IL1RAPL1: variants seen among roughly 807,000 people sequenced by gnomAD.
IL1RAPL1 encodes the protein interleukin 1 receptor accessory protein like 1, also known as interleukin-1 receptor accessory protein-like 1.
A neutral mutation model predicts 48.4 loss-of-function variants in IL1RAPL1; 3 were observed. The ratio of observed to expected loss-of-function variants is 0.06; its 90% CI spans 0.03 to 0.16. The LOEUF (loss-of-function observed/expected upper bound fraction) is 0.16, where lower values mean the gene tolerates loss of function less well. Ranked by LOEUF, IL1RAPL1 falls within the 10% of genes least tolerant of loss-of-function variation. The probability of loss-of-function intolerance (pLI) is 1.00; values close to 1 mark genes in which losing one functional copy is unlikely to be tolerated. For synonymous variants in IL1RAPL1, 185 were observed against 187.7 expected, an observed-to-expected ratio of 0.99 and a Z score of 0.12; for missense variants, 349 against 530.6, an observed-to-expected ratio of 0.66 and a Z score of 3.36.
chrX:28,601,496 A>G (rs1601830273), intron 1 of IL1RAPL1, among the ~76,000 whole-genome samples: 2 of 111,296 alleles, frequency 1.8e-5, no homozygotes. Flanking sequence ...CCATTAACTG[A>G]TATTCACTTT....
intron 5 of IL1RAPL1, among the ~76,000 whole-genome samples, chrX:29,490,597 G>A (rs1446250223): frequency 1.6e-4 from 18 of 111,455 alleles, no homozygotes; most frequent in Non-Finnish European, 3.8e-5. Flanking sequence ...TTTGAATAAT[G>A]TACCTACTGT....
rs928217271 is a variant in IL1RAPL1, at chrX:29,750,217, A to G, written c.778+81713A>G. On this transcript the variant is annotated intron_variant, in intron 6 of 10. Coordinates refer to ENST00000378993, the MANE Select transcript of IL1RAPL1 (RefSeq NM_014271.4). ...GGGTAACGTAAGAACATGAAACATTAAGAGGCAGATGGTAAATTGATTAGA... is the reference window on the plus strand; with the variant it reads ...GGGTAACGTAAGAACATGAAACATTGAGAGGCAGATGGTAAATTGATTAGA... Among the ~76,000 whole-genome samples the G allele has an allele frequency of 9.5e-4, 107 of 112,262 alleles. 1 individual carries two copies. The highest frequency in any genetic ancestry group is 3.2e-3 in the African/African-American group (100 of 31,006).
chrX:29,191,245 TTAAA>T (rs1346059684), intron 2 of IL1RAPL1, among the ~76,000 whole-genome samples: 4 of 111,905 alleles, frequency 3.6e-5, no homozygotes, highest in African/African-American at 9.7e-5. Context: ...ATTATAAAAA[TTAAA>T]TAAATAAGCA....
At chrX:29,178,652 A>C (rs1930079789) in intron 2 of IL1RAPL1, among the ~76,000 whole-genome samples, 1 of 111,763 alleles carries the variant, frequency 8.9e-6, no homozygotes, top group Non-Finnish European at 1.9e-5. Context: ...TTGGTGTTTC[A>C]GTCATGAAGT....
intron 6 of IL1RAPL1, among the ~76,000 whole-genome samples, chrX:29,706,881 G>A (rs777940819): frequency 1.7e-4 from 19 of 111,351 alleles, no homozygotes; most frequent in African/African-American, 5.9e-4. Context: ...ATTGGCTTAG[G>A]AAAAGACTTC....
chrX:29,078,611 TAA>T lies in IL1RAPL1; in HGVS notation c.83-204326_83-204325del, dbSNP rs778994964. On this transcript the variant is annotated intron_variant, in intron 2 of 10. Transcript: ENST00000378993. ...TCATGTCCATGAAGATTCGAAGCGT[TAA>T]GTTATTTTACTCATGATAACAATCT... 2.0e-4 allele frequency among the ~76,000 whole-genome samples: 23 copies of T among 112,296 alleles called. No individual in the cohort carries two copies. The South Asian group carries it at 7.7e-3, about 38-fold the overall frequency.
chrX:29,467,617 C>T (rs1326925498), intron 5 of IL1RAPL1, among the ~76,000 whole-genome samples: 1 of 111,786 alleles, frequency 8.9e-6, no homozygotes, highest in South Asian at 3.8e-4. Flanking sequence ...CCACGTAGTA[C>T]CTGGAAGGCA....
intron 2 of IL1RAPL1, among the ~76,000 whole-genome samples, chrX:29,221,778 C>T (rs1219059290): frequency 4.6e-5 from 5 of 109,856 alleles, no homozygotes; most frequent in Non-Finnish European, 7.6e-5. Flanking sequence ...TTTGGGAGGC[C>T]GAGGCGGGCG....
intron 5 of IL1RAPL1, among the ~76,000 whole-genome samples, chrX:29,658,124 T>C (rs760963419): frequency 8.9e-6 from 1 of 112,012 alleles, no homozygotes; most frequent in Admixed American, 9.5e-5. Flanking sequence ...TTTAAAAATA[T>C]TGAACCACCT....
chrX:29,473,534 C>T (rs1602252468), intron 5 of IL1RAPL1, among the ~76,000 whole-genome samples: 1 of 110,506 alleles, frequency 9.0e-6, no homozygotes, highest in East Asian at 2.9e-4. Context: ...CTTTCCAGAC[C>T]TCTTTCTAAA....
chrX:29,935,914 A>T (rs948942123), intron 8 of IL1RAPL1, among the ~76,000 whole-genome samples: 3 of 111,698 alleles, frequency 2.7e-5, no homozygotes. Context: ...GGTCATACAG[A>T]TTAAGCCGCT....
At chrX:28,617,059 A>G (rs1476509159) in intron 1 of IL1RAPL1, among the ~76,000 whole-genome samples, 1 of 112,519 alleles carries the variant, frequency 8.9e-6, no homozygotes, top group Non-Finnish European at 1.9e-5. Context: ...GAACTTTAAA[A>G]CTTTCAATAA....
At chrX:28,954,391 T>C (rs55717380) in intron 2 of IL1RAPL1, among the ~76,000 whole-genome samples, 78 of 110,664 alleles carry the variant, frequency 7.0e-4, no homozygotes, top group African/African-American at 2.5e-3. Context: ...AAGAGATTTA[T>C]TTAATTTCTA....
At chrX:29,084,050 C>G (rs1231865791) in intron 2 of IL1RAPL1, among the ~76,000 whole-genome samples, 2 of 111,577 alleles carry the variant, frequency 1.8e-5, no homozygotes, top group African/African-American at 3.3e-5. Context: ...CTGAGATAAT[C>G]CCTGGCTTAG....
At chrX:29,293,635 T>C (rs1932404048) in intron 3 of IL1RAPL1, among the ~76,000 whole-genome samples, 1 of 111,476 alleles carries the variant, frequency 9.0e-6, no homozygotes, top group South Asian at 3.7e-4. Flanking sequence ...ATAACATGTG[T>C]ATTTATCGTA....
chrX:28,595,097 G>C lies in IL1RAPL1; in HGVS notation c.-25+7050G>C, dbSNP rs781280174. ...TAGCTACACTTTATCCCACTTTGAC[G>C]ATATTGAATTTCATATTTCATTTCT... On this transcript the variant is annotated intron_variant, in intron 1 of 10. Coordinates refer to ENST00000378993, the MANE Select transcript of IL1RAPL1 (RefSeq NM_014271.4). Among the ~76,000 whole-genome samples, 5 of 111,912 alleles carry C rather than the reference G, an allele frequency of 4.5e-5. No homozygotes were observed. The Admixed American group carries it at 4.8e-4, about 11-fold the overall frequency.
At chrX:29,186,694 TATA>T (rs1313744037) in intron 2 of IL1RAPL1, among the ~76,000 whole-genome samples, 1 of 111,429 alleles carries the variant, frequency 9.0e-6, no homozygotes, top group East Asian at 2.8e-4. Flanking sequence ...TACTAATAAT[TATA>T]ATGATAATAA....
chrX:29,446,201 G>A (rs1011752060), intron 5 of IL1RAPL1, among the ~76,000 whole-genome samples: 18 of 111,137 alleles, frequency 1.6e-4, no homozygotes, highest in Non-Finnish European at 1.3e-4. Flanking sequence ...CAAAGTGAAA[G>A]CATATCTTGA....
At chrX:29,892,706 G>A (rs917758113) in intron 6 of IL1RAPL1, among the ~76,000 whole-genome samples, 1 of 112,108 alleles carries the variant, frequency 8.9e-6, no homozygotes, top group Non-Finnish European at 1.9e-5. Context: ...AGCTTAGAGC[G>A]AGGATTGGAA....
Sources: allele counts gnomAD v4.1 joint callset (sites outside exome capture counted in the v4.1 genomes callset), GRCh38; gene constraint gnomAD v4.1.1; transcripts MANE v1.5; gene names NCBI Gene and HGNC (gene_info 2026-07-23, HGNC 2026-07-21).